ROBO2: variants seen among roughly 807,000 people sequenced by gnomAD.
The protein encoded by ROBO2 is roundabout homolog 2.
A neutral mutation model predicts 160.8 loss-of-function variants in ROBO2; 53 were observed. The ratio of observed to expected loss-of-function variants is 0.33; its 90% CI spans 0.26 to 0.41. The LOEUF (loss-of-function observed/expected upper bound fraction) is 0.41, where lower values mean the gene tolerates loss of function less well. Among genes scored for constraint, ROBO2 ranks in the 10% least tolerant of loss-of-function variants. ROBO2 has a pLI of 1.00. For missense variants in ROBO2, 1,577 were observed against 1,722.4 expected (o/e 0.92, Z 1.49); for synonymous variants, 664 against 611.7 (o/e 1.09, Z -1.26).
chr3:76,113,453 G>A (rs544915428), intron 2 of ROBO2, among the ~76,000 whole-genome samples: 5 of 152,166 alleles, frequency 3.3e-5, no homozygotes, highest in African/African-American at 9.6e-5. Flanking sequence ...AGGAAGCTTT[G>A]CAGAGAGACT....
intron 2 of ROBO2, among the ~76,000 whole-genome samples, chr3:77,235,245 A>G (rs542474302): frequency 6.6e-6 from 1 of 152,216 alleles, no homozygotes; most frequent in Non-Finnish European, 1.5e-5. Context: ...AAGGCTGAAC[A>G]GCATTCAATG....
intron 2 of ROBO2, among the ~76,000 whole-genome samples, chr3:76,678,044 T>C (rs2092459096): frequency 7.4e-6 from 1 of 134,698 alleles, no homozygotes; most frequent in Admixed American, 8.2e-5. Context: ...GATCTCAGCC[T>C]ACTGCAAACT....
intron 6 of ROBO2, among the ~76,000 whole-genome samples, chr3:77,524,177 T>C (rs1474186729): frequency 1.3e-5 from 2 of 151,282 alleles, no homozygotes; most frequent in African/African-American, 4.8e-5. Context: ...AGTGTGAATT[T>C]AGATACAAAA....
At chr3:76,145,802 GT>G (rs372966511) in intron 2 of ROBO2, among the ~76,000 whole-genome samples, 31 of 152,044 alleles carry the variant, frequency 2.0e-4, no homozygotes, top group East Asian at 1.2e-3. Flanking sequence ...AATCTGAATT[GT>G]TTGGTTCTTA....
intron 2 of ROBO2, among the ~76,000 whole-genome samples, chr3:76,456,440 A>G (rs2077758534): frequency 6.6e-6 from 1 of 152,164 alleles, no homozygotes; most frequent in Admixed American, 6.5e-5. Flanking sequence ...GACTAATGCA[A>G]TTAACAAATT....
chr3:76,026,672 G>C (rs1334610338), intron 2 of ROBO2, among the ~76,000 whole-genome samples: 1 of 151,978 alleles, frequency 6.6e-6, no homozygotes, highest in East Asian at 1.9e-4. Flanking sequence ...CTTTGAGCTT[G>C]TGTGGAGATC....
intron 2 of ROBO2, among the ~76,000 whole-genome samples, chr3:76,118,701 A>G (rs1239032692): frequency 6.6e-6 from 1 of 152,130 alleles, no homozygotes; most frequent in Non-Finnish European, 1.5e-5. Flanking sequence ...GTTTCTCTTA[A>G]CTTTTCCACA....
intron 21 of ROBO2, among the ~76,000 whole-genome samples, chr3:77,610,585 G>A (rs1164470558): frequency 5.3e-5 from 8 of 151,480 alleles, no homozygotes; most frequent in Admixed American, 5.3e-4. Flanking sequence ...TGGATGCCAG[G>A]CACTGAGCCA....
At chr3:77,624,625 A>G (rs1023151214) in intron 23 of ROBO2, among the ~76,000 whole-genome samples, 6 of 152,190 alleles carry the variant, frequency 3.9e-5, no homozygotes, top group Non-Finnish European at 5.9e-5. Context: ...TAAAACAGGC[A>G]TTATTTCTAT....
intron 1 of ROBO2, among the ~76,000 whole-genome samples, chr3:75,922,974 C>T (rs1947131966): frequency 6.6e-6 from 1 of 152,132 alleles, no homozygotes; most frequent in South Asian, 2.1e-4. Flanking sequence ...TATACTGATA[C>T]CTCAAAGCAT....
chr3:76,176,354 G>A (rs2073230850), intron 2 of ROBO2, among the ~76,000 whole-genome samples: 1 of 142,434 alleles, frequency 7.0e-6, no homozygotes. Flanking sequence ...TTTTTGAATA[G>A]CTGCTGTGCT....
chr3:76,308,620 G>A (rs2071432915), intron 2 of ROBO2, among the ~76,000 whole-genome samples: 2 of 152,028 alleles, frequency 1.3e-5, no homozygotes, highest in Admixed American at 1.3e-4. Context: ...CCTTCAGATT[G>A]TACTCTTGTT....
chr3:76,033,057 A>G (rs1025937035), intron 2 of ROBO2, among the ~76,000 whole-genome samples: 1 of 152,078 alleles, frequency 6.6e-6, no homozygotes, highest in African/African-American at 2.4e-5. Context: ...TTTAAAAGTA[A>G]GAATAAATAG....
chr3:76,240,688 CT>C (rs573301736), intron 2 of ROBO2, among the ~76,000 whole-genome samples: 37 of 151,410 alleles, frequency 2.4e-4, no homozygotes, highest in African/African-American at 7.7e-4. Flanking sequence ...TGACGTCCTG[CT>C]TTTTTTTTCC....
chr3:77,034,953 A>G (rs2063539202), upstream of ROBO2, among the ~76,000 whole-genome samples: 2 of 151,948 alleles, frequency 1.3e-5, no homozygotes, highest in African/African-American at 4.8e-5. Context: ...GTTAAGCCAT[A>G]TACTAAAATA....
At chr3:76,579,800 A>G (rs1280289969) in intron 2 of ROBO2, among the ~76,000 whole-genome samples, 1 of 151,490 alleles carries the variant, frequency 6.6e-6, no homozygotes, top group Non-Finnish European at 1.5e-5. Flanking sequence ...AAAAAAAAAA[A>G]AAAAGAAAGA....
intron 2 of ROBO2, among the ~76,000 whole-genome samples, chr3:76,466,295 A>G (rs2078358511): frequency 6.6e-6 from 1 of 151,806 alleles, no homozygotes; most frequent in South Asian, 2.1e-4. Context: ...TGGGCTTCAT[A>G]ATTTCTATTG....
rs534779160 is a variant in ROBO2 at position 77,221,313 on chromosome 3, G to A, written c.388+122973G>A. Among the ~76,000 whole-genome samples, 255 of 152,310 alleles carry A rather than the reference G, an allele frequency of 1.7e-3. 3 individuals are homozygous for A. The highest frequency in any genetic ancestry group is 2.0e-3 in the Non-Finnish European group (135 of 68,028). ...GGTGTTGCTTACTCTTTTAAAATGA[G>A]TTGTATAGGATTACATTGTTTTATT... On this transcript the variant is annotated intron_variant, in intron 2 of 25. Transcript: ENST00000461745.
intron 2 of ROBO2, among the ~76,000 whole-genome samples, chr3:76,775,452 C>T (rs1034729410): frequency 6.6e-6 from 1 of 150,792 alleles, no homozygotes; most frequent in South Asian, 2.1e-4. Flanking sequence ...GGATTGACAA[C>T]AAGTTACTGG....
Sources: allele counts gnomAD v4.1 joint callset (sites outside exome capture counted in the v4.1 genomes callset), GRCh38; gene constraint gnomAD v4.1.1; transcripts MANE v1.5; gene names NCBI Gene and HGNC (gene_info 2026-07-23, HGNC 2026-07-21).